The following EPB41L1 variants were observed in gnomAD, a reference collection of about 807,000 sequenced individuals.
The protein encoded by EPB41L1 is band 4.1-like protein 1.
A neutral mutation model predicts 97.8 loss-of-function variants in EPB41L1; 29 were observed. The ratio of observed to expected loss-of-function variants is 0.30; its 90% CI spans 0.22 to 0.40. EPB41L1 has a LOEUF of 0.40. Ranked by LOEUF, EPB41L1 falls within the 10% of genes least tolerant of loss-of-function variation. The probability of loss-of-function intolerance (pLI) is 1.00; values close to 1 mark genes in which losing one functional copy is unlikely to be tolerated. For synonymous variants in EPB41L1, 383 were observed against 459.2 expected, an observed-to-expected ratio of 0.83 and a Z score of 2.12; for missense variants, 812 against 1,162.3, an observed-to-expected ratio of 0.70 and a Z score of 4.38.
intron 3 of EPB41L1, among the ~76,000 whole-genome samples, chr20:36,177,234 C>G (rs2061279540): frequency 6.6e-6 from 1 of 152,182 alleles, no homozygotes; most frequent in Admixed American, 6.5e-5. Context: ...GCCATGTGAT[C>G]CCCTTATTGG....
At chr20:36,201,565 C>T (rs974389552) in intron 14 of EPB41L1, among the ~76,000 whole-genome samples, 1 of 152,214 alleles carries the variant, frequency 6.6e-6, no homozygotes, top group African/African-American at 2.4e-5. Context: ...CTGAACTCCC[C>T]TGGAGCTTGG....
At chr20:36,129,612 C>T (rs2059113304) in intron 2 of EPB41L1, among the ~76,000 whole-genome samples, 1 of 152,130 alleles carries the variant, frequency 6.6e-6, no homozygotes, top group Admixed American at 6.5e-5. Context: ...CAGCACACCC[C>T]ACTTTCTGGC....
At chr20:36,158,050 G>A (rs1007029197) in intron 1 of EPB41L1, among the ~76,000 whole-genome samples, 6 of 152,200 alleles carry the variant, frequency 3.9e-5, no homozygotes, top group Non-Finnish European at 8.8e-5. Context: ...CCTGTGAGGT[G>A]TAGATGAGGT....
Position 36,195,357 on chromosome 20 carries a change from A to G in EPB41L1, c.1478A>G (p.Lys493Arg). Residue 493 changes from lysine to arginine, a missense_variant, in exon 13 of 22, where the codon AAG (lysine) becomes AGG (arginine). This residue lies in a region of EPB41L1 where 498 missense variants were observed against 622.7 expected (regional missense o/e 0.80). Coordinates refer to ENST00000338074, the MANE Select transcript of EPB41L1 (RefSeq NM_012156.2). The surrounding 1 kb of genome is among the most constrained non-coding windows in gnomAD (Gnocchi z 4.6). Reference sequence around the variant, plus strand: ...GAGCAGGAAACCACGCCGAGACACAAGCAGGAGGTACTGCATGGGACCTGT... The same window carrying G: ...GAGCAGGAAACCACGCCGAGACACAGGCAGGAGGTACTGCATGGGACCTGT... The part of the protein sequence containing the change: ...KPEQETTPRH[K>R]QEFLDKPEDV... 2 of 1,613,872 alleles carry G rather than the reference A, an allele frequency of 1.2e-6. No individual in the cohort carries two copies. Among genetic ancestry groups the G allele is most frequent in the South Asian group, 1.1e-5 (1 of 91,062 alleles).
chr20:36,175,976 G>A (rs2061210169), intron 3 of EPB41L1, among the ~76,000 whole-genome samples: 1 of 152,172 alleles, frequency 6.6e-6, no homozygotes, highest in South Asian at 2.1e-4. Flanking sequence ...ACTATACCTT[G>A]GCAAGGATGC....
At chr20:36,135,062 C>A (rs549809504) in intron 2 of EPB41L1, among the ~76,000 whole-genome samples, 71 of 152,052 alleles carry the variant, frequency 4.7e-4, no homozygotes, top group African/African-American at 1.7e-3. Flanking sequence ...CAGGGTTTTG[C>A]ATGTTGGTCA....
intron 1 of EPB41L1, among the ~76,000 whole-genome samples, chr20:36,097,876 T>C (rs2057884002): frequency 6.6e-6 from 1 of 152,192 alleles, no homozygotes; most frequent in Non-Finnish European, 1.5e-5. Context: ...ACAGATCTGG[T>C]GCAGGCCAAA....
At position 36,214,380 on chromosome 20, in the gene EPB41L1, G is replaced by A. The variant is rs1404654216; in HGVS notation, c.2208G>A (p.Val736=). Residue 736 remains valine (V), a synonymous_variant, in exon 17 of 22, where the codon GTG becomes GTA. Coordinates refer to ENST00000338074, the MANE Select transcript of EPB41L1 (RefSeq NM_012156.2). The stretch of plus-strand genomic sequence containing the variant: ...AGCAGGTTGATGGGAGTGCCTCAGT[G>A]GGGAGGGAGTTCATAGCAACCACTC... The part of the protein sequence containing the change: ...NTQQVDGSAS[V]GREFIATTPS... 2 of 1,613,672 alleles carry A rather than the reference G, an allele frequency of 1.2e-6. No homozygotes were observed. Among genetic ancestry groups the A allele is most frequent in the Non-Finnish European group, 1.7e-6 (2 of 1,179,928 alleles).
rs114907398 is a variant in EPB41L1, at chr20:36,112,000, C to G, written c.-64-426C>G. Among the ~76,000 whole-genome samples, 329 of 152,182 alleles carry G rather than the reference C, an allele frequency of 2.2e-3. 3 individuals carry two copies. Among genetic ancestry groups the G allele is most frequent in the African/African-American group, 7.6e-3 (316 of 41,534 alleles). On this transcript the variant is annotated intron_variant, in intron 1 of 19. Transcript: ENST00000202028. The stretch of plus-strand genomic sequence containing the variant: ...CACCAGCAAGTTCTGGGGATACCAC[C>G]TTTTAAATACCTCTTGAGTCTGTCC...
At chr20:36,145,168 T>A (rs1177890407) in intron 2 of EPB41L1, among the ~76,000 whole-genome samples, 2 of 151,914 alleles carry the variant, frequency 1.3e-5, no homozygotes, top group Admixed American at 6.6e-5. Context: ...GTGCGGTGGA[T>A]CACGAGGTCA....
chr20:36,099,614 C>A (rs1450668935), intron 1 of EPB41L1, among the ~76,000 whole-genome samples: 1 of 152,168 alleles, frequency 6.6e-6, no homozygotes, highest in Non-Finnish European at 1.5e-5. Context: ...TGTTTGTGCT[C>A]AGAGGCATCC....
At chr20:36,176,445 C>T (rs563095166) in intron 3 of EPB41L1, among the ~76,000 whole-genome samples, 3 of 152,254 alleles carry the variant, frequency 2.0e-5, no homozygotes, top group East Asian at 1.9e-4. Context: ...GGCCCTTCTC[C>T]GCATGTGTGA....
At chr20:36,117,133 T>C (rs1419541561) in intron 2 of EPB41L1, among the ~76,000 whole-genome samples, 1 of 152,002 alleles carries the variant, frequency 6.6e-6, no homozygotes, top group African/African-American at 2.4e-5. Flanking sequence ...GCCCACCAAT[T>C]CCTCCTCCTG....
Position 36,209,988 on chromosome 20 carries a change from C to A in EPB41L1, c.2079+90C>A. On this transcript the variant is annotated intron_variant, in intron 15 of 21. Coordinates refer to ENST00000338074, the MANE Select transcript of EPB41L1 (RefSeq NM_012156.2). This position sits in a 1 kb window ranked among gnomAD's most constrained non-coding sequence, Gnocchi z 4.2. ...ACCCGTGAGAAGACCGAGCACCCAGCCTGCAGCCTGAAGCTCTGTCTCGTG... is the reference window on the plus strand; with the variant it reads ...ACCCGTGAGAAGACCGAGCACCCAGACTGCAGCCTGAAGCTCTGTCTCGTG... 1 of 1,480,000 alleles carries A rather than the reference C, an allele frequency of 6.8e-7. No individual in the cohort carries two copies. Among genetic ancestry groups the A allele is most frequent in the Non-Finnish European group, 9.2e-7 (1 of 1,085,618 alleles). The allele number at this position is 1,480,000 out of a possible 1,614,324, so 91.7% of individuals were successfully genotyped here. A position where few individuals can be genotyped will look rare whatever the true frequency, so the allele number is the denominator to read the frequency against.
Position 36,190,413 on chromosome 20 carries a change from G to A in EPB41L1, c.1124+39G>A, listed in dbSNP as rs745555853. On this transcript the variant is annotated intron_variant, in intron 10 of 21. Transcript: ENST00000338074. The surrounding 1 kb of genome is among the most constrained non-coding windows in gnomAD (Gnocchi z 5.8). ...TGGATGGGGTAATGGGGATGGGGCA[G>A]AGGCCATGTGTATGGAGGGGAGCAG... The A allele has an allele frequency of 3.1e-6, 5 of 1,604,124 alleles. No individual in the cohort carries two copies. Among genetic ancestry groups the A allele is most frequent in the Non-Finnish European group, 4.3e-6 (5 of 1,172,624 alleles).
rs745654275 is a variant in EPB41L1, at chr20:36,206,162, C to T, written c.1669-3326C>T. The T allele has an allele frequency of 7.8e-7, 1 of 1,289,862 alleles. No individual in the cohort carries two copies. The highest frequency in any genetic ancestry group is 1.2e-5 in the South Asian group (1 of 81,034). 79.9% of individuals were successfully genotyped at this position (1,289,862 alleles called of 1,614,324 possible). A position where few individuals can be genotyped will look rare whatever the true frequency, so the allele number is the denominator to read the frequency against. On this transcript the variant is annotated intron_variant, in intron 14 of 21. Transcript: ENST00000338074. This position sits in a 1 kb window ranked among gnomAD's most constrained non-coding sequence, Gnocchi z 5.5. ...AGCCCAGGAGGGGCTGCCCTGGCTT[C>T]CGGCCGCACATTGGCAGAAAAGCTC...
At chr20:36,130,979 T>G (rs1380716966) in intron 2 of EPB41L1, among the ~76,000 whole-genome samples, 3 of 150,200 alleles carry the variant, frequency 2.0e-5, no homozygotes, top group African/African-American at 7.4e-5. Flanking sequence ...CGGCTAATTT[T>G]TTTTTTTTTT....
rs771166984 is a variant in EPB41L1, at chr20:36,206,579, C to T, written c.1669-2909C>T. 38 of 1,289,814 alleles carry T rather than the reference C, an allele frequency of 2.9e-5. No individual in the cohort carries two copies. The highest frequency in any genetic ancestry group is 5.6e-5 in the East Asian group (1 of 18,008). 79.9% of individuals were successfully genotyped at this position (1,289,814 alleles called of 1,614,324 possible). A position where few individuals can be genotyped will look rare whatever the true frequency, so the allele number is the denominator to read the frequency against. ...CCTCCCGGAGGTGAGCCCAGGCCGA[C>T]GCTGAATTCCTTAGACCTGAGGGTT... On this transcript the variant is annotated intron_variant, in intron 14 of 21. Coordinates refer to ENST00000338074, the MANE Select transcript of EPB41L1 (RefSeq NM_012156.2). The surrounding 1 kb of genome is among the most constrained non-coding windows in gnomAD (Gnocchi z 5.5).
chr20:36,194,275 G>A lies in EPB41L1; in HGVS notation c.1364G>A (p.Arg455Gln), dbSNP rs558366232. 2.0e-5 allele frequency: 32 copies of A among 1,614,146 alleles called. No individual in the cohort carries two copies. The African/African-American group carries it at 2.1e-4, about 11-fold the overall frequency. ...GATGCAGGGCCTGACGGTGACAAGC[G>A]GGATGAGGATGGCGAGTCTGGGGGG... ...NHDAGPDGDK[R>Q]DEDGESGGQR... Residue 455 changes from arginine to glutamine, a missense_variant, in exon 12 of 22, where the codon CGG becomes CAG. Arg to Gln is a conservative substitution (Grantham distance 43). Around this residue, in one of 3 missense-constraint regions of EPB41L1, gnomAD observed 498 missense variants for 622.7 expected, o/e 0.80. Transcript: ENST00000338074.
Sources: gnomAD v4.1 joint callset for allele counts (sites outside exome capture counted in the v4.1 genomes callset) on GRCh38, gnomAD v4.1.1 for gene constraint, gnomAD v4.1.1 regional missense constraint, Gnocchi (gnomAD v3.1) non-coding constraint, MANE v1.5 for transcripts, NCBI Gene and HGNC (gene_info 2026-07-23, HGNC 2026-07-21) for gene names.